Variants in PTGR1 observed in about 807,000 individuals in gnomAD.
The protein encoded by PTGR1 is prostaglandin reductase 1, also known as 15-oxoprostaglandin 13-reductase.
A neutral mutation model predicts 37.7 loss-of-function variants in PTGR1; 23 were observed. The ratio of observed to expected loss-of-function variants is 0.61; its 90% confidence interval spans 0.44 to 0.86. The LOEUF (loss-of-function observed/expected upper bound fraction) is 0.86, where lower values mean the gene tolerates loss of function less well. PTGR1 is among the 40% of genes least tolerant of loss of function. PTGR1 has a pLI of 0.00. For synonymous variants in PTGR1, 134 were observed against 140.0 expected (o/e 0.96, Z 0.30); for missense variants, 351 against 394.3 (o/e 0.89, Z 0.93).
At chr9:111,552,434 A>G (rs1048997382) in intron 9 of PTGR1, among the ~76,000 whole-genome samples, 4 of 152,218 alleles carry the variant, frequency 2.6e-5, no homozygotes, top group African/African-American at 4.8e-5. Context: ...GTATCATGCA[A>G]TAGAATAGAG....
intron 8 of PTGR1, among the ~76,000 whole-genome samples, chr9:111,572,938 A>G (rs80137566): frequency 6.6e-6 from 1 of 152,010 alleles, no homozygotes; most frequent in Non-Finnish European, 1.5e-5. Context: ...TTTTACTGAG[A>G]GCAAAAAAGC....
intron 9 of PTGR1, among the ~76,000 whole-genome samples, chr9:111,550,072 G>GT (rs1589280626): frequency 1.3e-5 from 2 of 152,150 alleles, no homozygotes; most frequent in East Asian, 3.9e-4. Context: ...TGTGTTGTGT[G>GT]TTTTTTGTTT....
intron 9 of PTGR1, among the ~76,000 whole-genome samples, chr9:111,556,885 C>T (rs1828141067): frequency 6.6e-6 from 1 of 152,096 alleles, no homozygotes; most frequent in African/African-American, 2.4e-5. Flanking sequence ...CAATTAAGCC[C>T]AAGCTATACC....
intron 4 of PTGR1, among the ~76,000 whole-genome samples, chr9:111,586,947 G>T (rs1829450325): frequency 1.3e-5 from 2 of 151,132 alleles, no homozygotes; most frequent in East Asian, 3.9e-4. Flanking sequence ...CAGCAGCTGG[G>T]ATTATAGGCG....
At chr9:111,593,570 G>C (rs540372126) in intron 3 of PTGR1, among the ~76,000 whole-genome samples, 17 of 152,196 alleles carry the variant, frequency 1.1e-4, no homozygotes, top group Non-Finnish European at 1.9e-4. Context: ...TACATTAAAA[G>C]AATACAGGTA....
At chr9:111,592,718 G>T in intron 4 of PTGR1, 1 of 577,226 alleles carries the variant, frequency 1.7e-6, no homozygotes, top group Non-Finnish European at 2.8e-6. Context: ...ATGGCAAAGT[G>T]AAGCTGAAAA....
At chr9:111,593,017 A>T (rs1416160403) in intron 3 of PTGR1, 35 bp from the exon 4 acceptor site, 2 of 1,363,348 alleles carry the variant, frequency 1.5e-6, no homozygotes, top group African/African-American at 2.0e-5. Flanking sequence ...AAAAAAAAAA[A>T]TAGGTAAATA....
At chr9:111,551,325 G>T (rs779221195) in intron 9 of PTGR1, among the ~76,000 whole-genome samples, 13 of 147,684 alleles carry the variant, frequency 8.8e-5, no homozygotes, top group Non-Finnish European at 1.5e-4. Context: ...GATTCACATA[G>T]TTCTTCCAAA....
intron 6 of PTGR1, among the ~76,000 whole-genome samples, chr9:111,581,325 T>G (rs911526298): frequency 6.6e-6 from 1 of 151,938 alleles, no homozygotes; most frequent in Non-Finnish European, 1.5e-5. Flanking sequence ...GAAAACAGAA[T>G]AGATGAAAAA....
intron 9 of PTGR1, among the ~76,000 whole-genome samples, chr9:111,551,078 A>G (rs1384066284): frequency 2.6e-5 from 4 of 152,162 alleles, no homozygotes; most frequent in African/African-American, 9.7e-5. Flanking sequence ...CATAATTTCA[A>G]ATTTTCTAGT....
At chr9:111,596,842 G>C (rs369569023) in intron 2 of PTGR1, among the ~76,000 whole-genome samples, 1 of 145,854 alleles carries the variant, frequency 6.9e-6, no homozygotes, top group Non-Finnish European at 1.5e-5. Context: ...CAAGAGAATC[G>C]CTTGGACCCA....
At chr9:111,558,397 G>A (rs1490408833), downstream of PTGR1, among the ~76,000 whole-genome samples, 1 of 152,082 alleles carries the variant, frequency 6.6e-6, no homozygotes, top group Non-Finnish European at 1.5e-5. Flanking sequence ...GATGCTCCAG[G>A]CTGGGCATGG....
intron 8 of PTGR1, among the ~76,000 whole-genome samples, chr9:111,573,748 T>C (rs1395449398): frequency 6.6e-6 from 1 of 152,060 alleles, no homozygotes; most frequent in East Asian, 1.9e-4. Flanking sequence ...TCCACACCCA[T>C]AAAATGAGAG....
chr9:111,558,926 G>A (rs73656265), downstream of PTGR1, among the ~76,000 whole-genome samples: 864 of 152,128 alleles, frequency 5.7e-3, 6 homozygotes, highest in African/African-American at 0.02. Flanking sequence ...CCTTCTGTAT[G>A]TAACCATCTT....
At chr9:111,591,744 G>A (rs1829628438) in intron 4 of PTGR1, among the ~76,000 whole-genome samples, 1 of 152,150 alleles carries the variant, frequency 6.6e-6, no homozygotes, top group Admixed American at 6.5e-5. Flanking sequence ...CAGTTTCTAA[G>A]ATAAAAATTT....
downstream of PTGR1, among the ~76,000 whole-genome samples, chr9:111,560,964 TATATATATATAGAGAGAGAGAG>T (rs1471294739): frequency 9.9e-4 from 48 of 48,488 alleles, 2 homozygotes; most frequent in Admixed American, 5.2e-3. Flanking sequence ...TATATATATA[TATATATATATAGAGAGAGAGAG>T]AGAGAGAGAG....
At position 111,578,707 on chromosome 9, in the gene PTGR1, A is replaced by G. The variant is rs1038534368; in HGVS notation, c.651+89T>C. ...CCCAGTTCCTGATAGGCTATGGACCACTAACCATCCATGGCCCAGGGGTAG... is the reference window on the plus strand; with the variant it reads ...CCCAGTTCCTGATAGGCTATGGACCGCTAACCATCCATGGCCCAGGGGTAG... On this transcript the variant is annotated intron_variant, in intron 7 of 9. Transcript: ENST00000407693. The G allele has an allele frequency of 3.6e-5, 44 of 1,213,478 alleles. No homozygotes were observed. The East Asian group carries it at 1.0e-3, about 28-fold the overall frequency. 75.2% of individuals were successfully genotyped at this position (1,213,478 alleles called of 1,614,324 possible). A position where few individuals can be genotyped will look rare whatever the true frequency, so the allele number is the denominator to read the frequency against.
downstream of PTGR1, among the ~76,000 whole-genome samples, chr9:111,562,062 T>C (rs1828342050): frequency 6.6e-6 from 1 of 152,070 alleles, no homozygotes; most frequent in African/African-American, 2.4e-5. Flanking sequence ...ATTTTTGTAT[T>C]TTTAGTAGAG....
chr9:111,597,308 A>G lies in PTGR1; in HGVS notation c.106+9T>C. On this transcript the variant is annotated intron_variant, in intron 2 of 9. Coordinates refer to ENST00000407693, the MANE Select transcript of PTGR1 (RefSeq NM_001146108.2). ...CTTCCAACTCTGAAATATTTTTAGT[A>G]TGACTTACCTCCATTTTTTAAGGGT... 1 of 1,583,404 alleles carries G rather than the reference A, an allele frequency of 6.3e-7. No individual in the cohort carries two copies. Among genetic ancestry groups the G allele is most frequent in the Non-Finnish European group, 8.7e-7 (1 of 1,153,472 alleles).
Sources: allele counts gnomAD v4.1 joint callset (sites outside exome capture counted in the v4.1 genomes callset), GRCh38; gene constraint gnomAD v4.1.1; transcripts MANE v1.5; gene names NCBI Gene and HGNC (gene_info 2026-07-23, HGNC 2026-07-21).